The following CSMD1 variants were observed in gnomAD, a reference collection of about 807,000 sequenced individuals.
CSMD1 encodes CUB and sushi domain-containing protein 1.
Under a neutral mutation model 417.5 loss-of-function variants are expected in CSMD1, and 213 were observed. The observed-to-expected ratio is 0.51, with a 90% CI of 0.46 to 0.57. The LOEUF (loss-of-function observed/expected upper bound fraction) is 0.57, where lower values mean the gene tolerates loss of function less well. Among genes scored for constraint, CSMD1 ranks in the 20% least tolerant of loss-of-function variants. The probability of loss-of-function intolerance (pLI) is 0.00; values close to 1 mark genes in which losing one functional copy is unlikely to be tolerated. For missense variants in CSMD1, 6,923 were observed against 4,529.7 expected (o/e 1.53, Z -15.17); for synonymous variants, 2,862 against 1,736.8 (o/e 1.65, Z -16.11).
chr8:4,209,208 C>A (rs759569251), intron 3 of CSMD1, among the ~76,000 whole-genome samples: 1 of 152,022 alleles, frequency 6.6e-6, no homozygotes, highest in Admixed American at 6.6e-5. Context: ...CTCACCTTTT[C>A]AACACTTTTA....
chr8:3,188,978 C>T lies in CSMD1; in HGVS notation c.5432G>A (p.Gly1811Asp), dbSNP rs772489078. ...AGGGTAGCCGGGGGACAGGATTGTA[C>T]CTCTTCGTTGAGTGAAATTGCCACT... Reference protein sequence around the residue: ...PCSGNFTQRRGTILSPGYPEP... With the variant: ...PCSGNFTQRRDTILSPGYPEP... The change falls in exon 35 of 70, where the codon GGT becomes GAT. Residue 1811 changes from glycine (G) to aspartate (D), a missense_variant. Physicochemically the swap from Gly to Asp is moderately conservative, Grantham distance 94. Coordinates refer to ENST00000635120, the MANE Select transcript of CSMD1 (RefSeq NM_033225.6). 10 of 1,613,340 alleles carry T rather than the reference C, an allele frequency of 6.2e-6. No homozygotes were observed. Among genetic ancestry groups the T allele is most frequent in the Non-Finnish European group, 7.6e-6 (9 of 1,179,606 alleles).
chr8:3,870,324 T>C (rs987199767), intron 5 of CSMD1, among the ~76,000 whole-genome samples: 1 of 152,328 alleles, frequency 6.6e-6, no homozygotes, highest in Middle Eastern at 3.4e-3. Flanking sequence ...TATTTTTATT[T>C]TTACTATGAT....
At chr8:3,408,844 T>G (rs1172844927) in intron 13 of CSMD1, among the ~76,000 whole-genome samples, 2 of 152,160 alleles carry the variant, frequency 1.3e-5, no homozygotes, top group Non-Finnish European at 2.9e-5. Flanking sequence ...GATTTATCTC[T>G]AGAATACATT....
At chr8:2,983,422 G>A (rs931250551) in intron 54 of CSMD1, among the ~76,000 whole-genome samples, 2 of 152,086 alleles carry the variant, frequency 1.3e-5, no homozygotes, top group African/African-American at 4.8e-5. Flanking sequence ...TCCTGACCTC[G>A]TGATCCGCCT....
At chr8:3,325,458 G>C (rs1280621225) in intron 23 of CSMD1, among the ~76,000 whole-genome samples, 1 of 152,132 alleles carries the variant, frequency 6.6e-6, no homozygotes, top group Non-Finnish European at 1.5e-5. Flanking sequence ...TCCTCCTCTA[G>C]GTCCTTTTGT....
At chr8:3,366,590 C>G (rs570539102) in intron 20 of CSMD1, among the ~76,000 whole-genome samples, 41 of 152,272 alleles carry the variant, frequency 2.7e-4, no homozygotes, top group Middle Eastern at 3.4e-3. Flanking sequence ...GTGTGTCCAC[C>G]TGCTTCTTTC....
intron 3 of CSMD1, among the ~76,000 whole-genome samples, chr8:4,342,990 T>C (rs753768195): frequency 3.3e-5 from 5 of 152,090 alleles, no homozygotes; most frequent in Non-Finnish European, 7.4e-5. Context: ...TTCCAAGCTG[T>C]AGCGTAGATT....
At chr8:4,883,056 G>C (rs1374661696) in intron 1 of CSMD1, among the ~76,000 whole-genome samples, 1 of 152,058 alleles carries the variant, frequency 6.6e-6, no homozygotes, top group Non-Finnish European at 1.5e-5. Flanking sequence ...GAGTGCTATG[G>C]ATTACTTAAG....
At chr8:4,042,579 G>C (rs1257264545) in intron 3 of CSMD1, among the ~76,000 whole-genome samples, 1 of 151,926 alleles carries the variant, frequency 6.6e-6, no homozygotes, top group Non-Finnish European at 1.5e-5. Context: ...TAATAGCATA[G>C]TAAGGAATTC....
At chr8:3,111,798 C>T (rs560877013) in intron 42 of CSMD1, among the ~76,000 whole-genome samples, 5 of 152,166 alleles carry the variant, frequency 3.3e-5, no homozygotes, top group South Asian at 2.1e-4. Context: ...TGCCATTGCA[C>T]TCCAGCATGG....
At position 3,421,032 on chromosome 8, in the gene CSMD1, G is replaced by C. The variant is rs144575826; in HGVS notation, c.1562-11427C>G. ...AAAAAGACACTAAAAGCTGTGTAAA[G>C]TTTTACTGTGGTGGTGGTCATTTTA... On this transcript the variant is annotated intron_variant, in intron 12 of 69. Coordinates refer to ENST00000635120, the MANE Select transcript of CSMD1 (RefSeq NM_033225.6). Among the ~76,000 whole-genome samples the C allele has an allele frequency of 4.0e-3, 614 of 152,220 alleles. 1 individual carries two copies. Among genetic ancestry groups the C allele is most frequent in the African/African-American group, 0.014 (571 of 41,548 alleles).
chr8:4,960,296 G>A (rs568605289), intron 1 of CSMD1, among the ~76,000 whole-genome samples: 4 of 152,052 alleles, frequency 2.6e-5, no homozygotes, highest in South Asian at 2.1e-4. Flanking sequence ...ATTTTGCAAC[G>A]CCCCTGATAT....
At chr8:4,895,921 T>C (rs542483493) in intron 1 of CSMD1, among the ~76,000 whole-genome samples, 12 of 152,228 alleles carry the variant, frequency 7.9e-5, no homozygotes, top group Non-Finnish European at 4.4e-5. Flanking sequence ...TCAGAATTGT[T>C]ACCAATTATT....
intron 3 of CSMD1, among the ~76,000 whole-genome samples, chr8:4,253,566 C>G (rs1617240): frequency 6.6e-6 from 1 of 152,098 alleles, no homozygotes; most frequent in Non-Finnish European, 1.5e-5. Flanking sequence ...AACATTTGAT[C>G]TGGTATACTT....
intron 28 of CSMD1, among the ~76,000 whole-genome samples, chr8:3,220,924 A>G (rs1177577535): frequency 6.6e-6 from 1 of 152,122 alleles, no homozygotes; most frequent in African/African-American, 2.4e-5. Context: ...GGTTTTTCAT[A>G]TGTGTCTTTA....
intron 1 of CSMD1, among the ~76,000 whole-genome samples, chr8:4,980,855 G>T (rs935095834): frequency 2.0e-5 from 3 of 151,614 alleles, no homozygotes; most frequent in African/African-American, 7.3e-5. Flanking sequence ...AGTGAGCGAA[G>T]ATCGCACCAC....
intron 3 of CSMD1, among the ~76,000 whole-genome samples, chr8:4,121,739 A>G (rs912309924): frequency 6.6e-5 from 10 of 152,110 alleles, no homozygotes; most frequent in Non-Finnish European, 2.9e-5. Context: ...GGCAGCAAGG[A>G]TAAAACAGCA....
chr8:3,635,457 C>A (rs573867724), intron 7 of CSMD1, among the ~76,000 whole-genome samples: 98 of 150,654 alleles, frequency 6.5e-4, no homozygotes, highest in African/African-American at 2.3e-3. Flanking sequence ...ACACTCCAGC[C>A]TGGGCAATGG....
intron 3 of CSMD1, among the ~76,000 whole-genome samples, chr8:4,153,532 G>A (rs1396243531): frequency 6.6e-6 from 1 of 152,192 alleles, no homozygotes; most frequent in Admixed American, 6.5e-5. Context: ...AGCACCAGCT[G>A]GTCCCTCGTC....
Sources: allele counts gnomAD v4.1 joint callset (sites outside exome capture counted in the v4.1 genomes callset), GRCh38; gene constraint gnomAD v4.1.1; transcripts MANE v1.5; gene names NCBI Gene and HGNC (gene_info 2026-07-23, HGNC 2026-07-21).